Variants in FHIT observed in about 807,000 individuals in gnomAD.
FHIT encodes fragile histidine triad diadenosine triphosphatase.
In FHIT, 19 loss-of-function variants were observed where a neutral mutation model predicts 17.9. The observed-to-expected ratio is 1.06, with a 90% CI of 0.74 to 1.56. The LOEUF is 1.56. Ranked by LOEUF, FHIT falls within the 40% of genes most tolerant of loss-of-function variation. FHIT has a pLI of 0.00. For missense variants in FHIT, 248 were observed against 189.2 expected (o/e 1.31, Z -1.82); for synonymous variants, 81 against 69.7 (o/e 1.16, Z -0.81).
chr3:59,944,007 T>C (rs1483760407), intron 7 of FHIT, among the ~76,000 whole-genome samples: 3 of 152,214 alleles, frequency 2.0e-5, no homozygotes, highest in Non-Finnish European at 1.5e-5. Flanking sequence ...AATAAATCTT[T>C]AATAAAGTCC....
chr3:60,999,039 T>C lies in FHIT; in HGVS notation c.-111+43008A>G, dbSNP rs145580227. 5.2e-3 allele frequency among the ~76,000 whole-genome samples: 793 copies of C among 152,186 alleles called. 5 individuals carry two copies. Among genetic ancestry groups the C allele is most frequent in the African/African-American group, 0.019 (776 of 41,532 alleles). The stretch of plus-strand genomic sequence containing the variant: ...AGGACATGTATATGACTGAGTAACA[T>C]GCAAACTACTGTTTATACATTGCAA... On this transcript the variant is annotated intron_variant, in intron 3 of 9. Coordinates refer to ENST00000492590, the MANE Select transcript of FHIT (RefSeq NM_002012.4).
At chr3:59,853,949 T>A (rs1371186212) in intron 8 of FHIT, among the ~76,000 whole-genome samples, 1 of 151,920 alleles carries the variant, frequency 6.6e-6, no homozygotes, top group Non-Finnish European at 1.5e-5. Context: ...ACAATTAGAA[T>A]CCCACCAATA....
At chr3:60,910,896 G>A (rs1417117992) in intron 3 of FHIT, among the ~76,000 whole-genome samples, 1 of 152,158 alleles carries the variant, frequency 6.6e-6, no homozygotes, top group African/African-American at 2.4e-5. Context: ...CACTGGACCT[G>A]CAATTATGTG....
At chr3:59,882,965 T>C (rs998328198) in intron 8 of FHIT, among the ~76,000 whole-genome samples, 2 of 152,206 alleles carry the variant, frequency 1.3e-5, no homozygotes, top group Non-Finnish European at 2.9e-5. Context: ...AATTATTTTC[T>C]TGGCAGTGTC....
chr3:61,014,697 G>A (rs1379172161), intron 3 of FHIT, among the ~76,000 whole-genome samples: 16 of 145,806 alleles, frequency 1.1e-4, no homozygotes, highest in African/African-American at 3.1e-4. Flanking sequence ...TGAGAATGGC[G>A]TGAACCCAGG....
intron 4 of FHIT, among the ~76,000 whole-genome samples, chr3:60,716,364 C>G (rs2041683007): frequency 6.6e-6 from 1 of 151,930 alleles, no homozygotes; most frequent in Non-Finnish European, 1.5e-5. Context: ...TTTCTATAAG[C>G]TTTTTTATAT....
At chr3:61,017,185 G>A (rs544977401) in intron 3 of FHIT, among the ~76,000 whole-genome samples, 1 of 152,308 alleles carries the variant, frequency 6.6e-6, no homozygotes, top group Admixed American at 6.5e-5. Context: ...AGCTACTTGG[G>A]AAGCTAAAGC....
chr3:61,080,498 A>G (rs569329425), intron 2 of FHIT, among the ~76,000 whole-genome samples: 5 of 152,330 alleles, frequency 3.3e-5, no homozygotes, highest in African/African-American at 1.2e-4. Flanking sequence ...AAAATCAATT[A>G]CTATTTTTAA....
chr3:60,265,371 A>G (rs1257103112), intron 5 of FHIT, among the ~76,000 whole-genome samples: 1 of 152,050 alleles, frequency 6.6e-6, no homozygotes, highest in Non-Finnish European at 1.5e-5. Flanking sequence ...GGATATCTAC[A>G]CACAAAAGAG....
intron 5 of FHIT, among the ~76,000 whole-genome samples, chr3:60,179,003 GC>G (rs1213331552): frequency 1.3e-5 from 2 of 152,036 alleles, no homozygotes; most frequent in Non-Finnish European, 2.9e-5. Context: ...ATACTGAGGG[GC>G]CCCTTAATTA....
At chr3:60,706,290 G>C (rs1553703554) in intron 4 of FHIT, among the ~76,000 whole-genome samples, 1 of 152,112 alleles carries the variant, frequency 6.6e-6, no homozygotes, top group African/African-American at 2.4e-5. Flanking sequence ...TAATGCATGC[G>C]GGGCTTAAAA....
intron 4 of FHIT, among the ~76,000 whole-genome samples, chr3:60,755,002 C>A (rs1216122253): frequency 6.6e-6 from 1 of 152,192 alleles, no homozygotes; most frequent in Non-Finnish European, 1.5e-5. Flanking sequence ...TCATCTGCAT[C>A]CTTCAGCAAT....
intron 5 of FHIT, among the ~76,000 whole-genome samples, chr3:60,191,769 A>C (rs1702413888): frequency 1.3e-5 from 2 of 152,196 alleles, no homozygotes. Context: ...AAAATGTTTC[A>C]TTTAAAACAT....
At chr3:60,620,933 T>C (rs2039106672) in intron 4 of FHIT, among the ~76,000 whole-genome samples, 1 of 152,086 alleles carries the variant, frequency 6.6e-6, no homozygotes, top group African/African-American at 2.4e-5. Context: ...TTGCTCAATT[T>C]TTCTGTAAAC....
intron 8 of FHIT, among the ~76,000 whole-genome samples, chr3:59,792,874 G>C (rs571257148): frequency 2.0e-5 from 2 of 101,184 alleles, no homozygotes; most frequent in Admixed American, 9.2e-5. Flanking sequence ...TTATTTTTTG[G>C]GGGGGGGGGT....
intron 5 of FHIT, among the ~76,000 whole-genome samples, chr3:60,418,234 A>G (rs1702321793): frequency 6.6e-6 from 1 of 151,834 alleles, no homozygotes; most frequent in Admixed American, 6.6e-5. Context: ...GAAATCAAAA[A>G]GGCTTCAGAG....
intron 5 of FHIT, among the ~76,000 whole-genome samples, chr3:60,108,063 G>A (rs1405482028): frequency 6.6e-6 from 1 of 152,128 alleles, no homozygotes; most frequent in Admixed American, 6.5e-5. Context: ...TGTTAGTTTG[G>A]TTACTTTGAC....
chr3:60,006,015 T>C (rs1369966659), intron 7 of FHIT, among the ~76,000 whole-genome samples: 1 of 151,996 alleles, frequency 6.6e-6, no homozygotes, highest in Non-Finnish European at 1.5e-5. Context: ...TAGGACAGAG[T>C]CCTAGGCCCC....
chr3:60,916,999 A>G (rs2107296346), intron 3 of FHIT, among the ~76,000 whole-genome samples: 1 of 152,326 alleles, frequency 6.6e-6, no homozygotes, highest in African/African-American at 2.4e-5. Flanking sequence ...TTACTTTTGA[A>G]AAGTCAGATA....
Sources: gnomAD v4.1 joint callset for allele counts (sites outside exome capture counted in the v4.1 genomes callset) on GRCh38, gnomAD v4.1.1 for gene constraint, MANE v1.5 for transcripts, NCBI Gene and HGNC (gene_info 2026-07-23, HGNC 2026-07-21) for gene names.